GPR180: variants seen among roughly 807,000 people sequenced by gnomAD.
GPR180 encodes the protein integral membrane protein GPR180.
Under a neutral mutation model 52.6 loss-of-function variants are expected in GPR180, and 53 were observed. The observed-to-expected ratio is 1.01, with a 90% confidence interval of 0.81 to 1.27. The LOEUF (loss-of-function observed/expected upper bound fraction) is 1.27. Ranked by LOEUF, GPR180 falls within the 50% of genes most tolerant of loss-of-function variation. The pLI is 0.00. For missense variants in GPR180, 533 were observed against 527.0 expected (o/e 1.01, Z -0.11); for synonymous variants, 200 against 193.1 (o/e 1.04, Z -0.30).
intron 2 of GPR180, 44 bp from the exon 3 acceptor site, chr13:94,612,146 A>C: frequency 6.8e-7 from 1 of 1,471,266 alleles, no homozygotes; most frequent in Non-Finnish European, 9.5e-7. Flanking sequence ...AGTGAAACAC[A>C]TTTGAGAATT....
chr13:94,632,390 A>G lies in GPR180; in HGVS notation c.*5219A>G, dbSNP rs1346609330. 6.6e-6 allele frequency: 1 copy of G among 152,214 alleles called. No homozygotes were observed. The highest frequency in any genetic ancestry group is 1.5e-5 in the Non-Finnish European group (1 of 68,042). The allele number at this position is 152,214 out of a possible 1,614,324, so 9.4% of individuals were successfully genotyped here. A position where few individuals can be genotyped will look rare whatever the true frequency, so the allele number is the denominator to read the frequency against. ...CACATATAAACATATATGAAACACAAATTATAGCATAACATACAGACTTTT... is the reference window on the plus strand; with the variant it reads ...CACATATAAACATATATGAAACACAGATTATAGCATAACATACAGACTTTT... On this transcript the variant is annotated 3_prime_UTR_variant, in exon 9 of 9. Transcript: ENST00000376958.
intron 1 of GPR180, among the ~76,000 whole-genome samples, chr13:94,603,167 T>G (rs1460742350): frequency 6.6e-6 from 1 of 152,106 alleles, no homozygotes; most frequent in African/African-American, 2.4e-5. Flanking sequence ...TGGAATATAT[T>G]TTGGGTGAAT....
rs1043772996 is a variant in GPR180, at chr13:94,608,098, A to G, written c.304+2549A>G. On this transcript the variant is annotated intron_variant, in intron 2 of 8. Coordinates refer to ENST00000376958, the MANE Select transcript of GPR180 (RefSeq NM_180989.6). ...ATACACTTAAAAACCTCATTTTCGTATGAGTCATATTCCTGTATTCCCAGA... is the reference window on the plus strand; with the variant it reads ...ATACACTTAAAAACCTCATTTTCGTGTGAGTCATATTCCTGTATTCCCAGA... Among the ~76,000 whole-genome samples the G allele has an allele frequency of 2.0e-5, 3 of 152,222 alleles. 1 individual carries two copies. The highest frequency in any genetic ancestry group is 2.0e-4 in the Admixed American group (3 of 15,280).
chr13:94,613,527 C>CCT lies in GPR180; in HGVS notation c.505+1139_505+1140dup, dbSNP rs554306629. On this transcript the variant is annotated intron_variant, in intron 3 of 8. Transcript: ENST00000376958. ...TCTCAAACTACTGGGTTCAAGCAAT[C>CCT]CTCCCACCTTGGCCTCCCAAGGTGT... Among the ~76,000 whole-genome samples, 140 of 152,172 alleles carry CCT rather than the reference C, an allele frequency of 9.2e-4. 1 individual carries two copies. The highest frequency in any genetic ancestry group is 1.3e-4 in the Non-Finnish European group (9 of 67,998).
intron 7 of GPR180, among the ~76,000 whole-genome samples, chr13:94,624,097 A>C (rs879364226): frequency 2.0e-5 from 3 of 152,106 alleles, no homozygotes; most frequent in Admixed American, 6.5e-5. Flanking sequence ...GTGTCACTTT[A>C]TTCCTCCTTT....
rs1889950108 is a variant in GPR180 at position 94,628,073 on chromosome 13, A to C, written c.*902A>C. 6.6e-6 allele frequency: 1 copy of C among 152,542 alleles called. No individual in the cohort carries two copies. Among genetic ancestry groups the C allele is most frequent in the African/African-American group, 2.4e-5 (1 of 41,452 alleles). 9.4% of individuals were successfully genotyped at this position (152,542 alleles called of 1,614,324 possible). A position where few individuals can be genotyped will look rare whatever the true frequency, so the allele number is the denominator to read the frequency against. The stretch of plus-strand genomic sequence containing the variant: ...CACATAAATGTTGGTTTCAGTCATC[A>C]ACTACCCATGAATTCCTGCCCAAGG... On this transcript the variant is annotated 3_prime_UTR_variant, in exon 9 of 9. Transcript: ENST00000376958.
At chr13:94,617,325 A>T (rs538845747) in intron 3 of GPR180, among the ~76,000 whole-genome samples, 1 of 152,230 alleles carries the variant, frequency 6.6e-6, no homozygotes, top group Non-Finnish European at 1.5e-5. Flanking sequence ...TTCAAAACAC[A>T]GGATAGCATA....
chr13:94,609,502 T>C lies in GPR180; in HGVS notation c.305-2688T>C, dbSNP rs188839651. 9.2e-5 allele frequency among the ~76,000 whole-genome samples: 14 copies of C among 152,208 alleles called. No homozygotes were observed. In the East Asian group the frequency reaches 2.5e-3, roughly 27 times the overall value. On this transcript the variant is annotated intron_variant, in intron 2 of 8. Transcript: ENST00000376958. ...AATCCACATAATTTAAAATGAAACA[T>C]CAAAAATATATTGGTAAAAGTGTGG... is the stretch of plus-strand genomic sequence containing the variant.
chr13:94,617,659 A>G (rs1889796174), intron 3 of GPR180, among the ~76,000 whole-genome samples: 1 of 152,104 alleles, frequency 6.6e-6, no homozygotes, highest in South Asian at 2.1e-4. Context: ...ATTGATTCTT[A>G]TAATTTGTGT....
rs1364711039 is a variant in GPR180 at position 94,630,537 on chromosome 13, T to G, written c.*3366T>G. On this transcript the variant is annotated 3_prime_UTR_variant, in exon 9 of 9. Coordinates refer to ENST00000376958, the MANE Select transcript of GPR180 (RefSeq NM_180989.6). ...ACCCTCCATGTGCCTCTCATTGCAC[T>G]TAGGAAAAGAAGTCCTCACTCATTA... The G allele has an allele frequency of 1.3e-5, 2 of 152,230 alleles. No homozygotes were observed. Among genetic ancestry groups the G allele is most frequent in the Non-Finnish European group, 2.9e-5 (2 of 68,046 alleles). 9.4% of individuals were successfully genotyped at this position (152,230 alleles called of 1,614,324 possible). A position where few individuals can be genotyped will look rare whatever the true frequency, so the allele number is the denominator to read the frequency against.
chr13:94,616,086 G>T (rs1889774724), intron 3 of GPR180, among the ~76,000 whole-genome samples: 1 of 152,172 alleles, frequency 6.6e-6, no homozygotes, highest in Non-Finnish European at 1.5e-5. Context: ...CAAGTTCAAA[G>T]TTAGCTGTGG....
rs1423400205 is a variant in GPR180 at position 94,629,417 on chromosome 13, G to A, written c.*2246G>A. The A allele has an allele frequency of 1.7e-4, 26 of 152,058 alleles. No individual in the cohort carries two copies. The highest frequency in any genetic ancestry group is 1.7e-3 in the Admixed American group (26 of 15,276). 9.4% of individuals were successfully genotyped at this position (152,058 alleles called of 1,614,324 possible). A position where few individuals can be genotyped will look rare whatever the true frequency, so the allele number is the denominator to read the frequency against. On this transcript the variant is annotated 3_prime_UTR_variant, in exon 9 of 9. Coordinates refer to ENST00000376958, the MANE Select transcript of GPR180 (RefSeq NM_180989.6). ...AATAGATGCTTATTTTTATTGACAT[G>A]TGTATAATAAGATGGGTGCCTACTG...
chr13:94,626,325 C>G (rs904586506), intron 8 of GPR180, among the ~76,000 whole-genome samples: 5 of 151,870 alleles, frequency 3.3e-5, no homozygotes, highest in Admixed American at 3.3e-4. Context: ...TATAATACAT[C>G]TTTTAAAAAA....
chr13:94,602,483 T>G (rs909219765), intron 1 of GPR180, among the ~76,000 whole-genome samples: 1 of 15,912 alleles, frequency 6.3e-5, no homozygotes, highest in Non-Finnish European at 1.5e-4. Context: ...TTAAATTTCC[T>G]TTTTTTTTTT....
rs547058607 is a variant in GPR180 at position 94,609,754 on chromosome 13, T to G, written c.305-2436T>G. ...ATTTTTCCAGAAACTGTATGTGTGT[T>G]TTTTTTTTTTTAAAGGTAGTTTAAA... On this transcript the variant is annotated intron_variant, in intron 2 of 8. Transcript: ENST00000376958. Among the ~76,000 whole-genome samples, 24 of 148,622 alleles carry G rather than the reference T, an allele frequency of 1.6e-4. No homozygotes were observed. The South Asian group carries it at 2.1e-3, about 13-fold the overall frequency.
In GPR180 at chr13:94,627,657, G is replaced by A. The variant is rs1287262750; in HGVS notation, c.*486G>A. The A allele has an allele frequency of 6.6e-6, 1 of 152,452 alleles. No individual in the cohort carries two copies. The highest frequency in any genetic ancestry group is 1.5e-5 in the Non-Finnish European group (1 of 68,268). The allele number at this position is 152,452 out of a possible 1,614,324, so 9.4% of individuals were successfully genotyped here. On this transcript the variant is annotated 3_prime_UTR_variant, in exon 9 of 9. Coordinates refer to ENST00000376958, the MANE Select transcript of GPR180 (RefSeq NM_180989.6). ...AATGTATTTCATATTTGAGTTTAAA[G>A]GAATTGAAATTACTTCAGGAAATGA...
chr13:94,607,038 C>G (rs944415193), intron 2 of GPR180, among the ~76,000 whole-genome samples: 1 of 152,180 alleles, frequency 6.6e-6, no homozygotes, highest in African/African-American at 2.4e-5. Flanking sequence ...ACCATCTTCC[C>G]CATCCAGACC....
intron 2 of GPR180, among the ~76,000 whole-genome samples, chr13:94,610,683 A>C (rs575502054): frequency 6.6e-5 from 10 of 152,326 alleles, no homozygotes; most frequent in African/African-American, 2.4e-4. Flanking sequence ...CAGAAACCGC[A>C]ATTACTTTTG....
At chr13:94,619,421 A>C (rs773813517) in intron 4 of GPR180, 47 bp from the exon 5 acceptor site, 2 of 1,602,494 alleles carry the variant, frequency 1.2e-6, no homozygotes, top group Non-Finnish European at 1.7e-6. Context: ...ATTATAAACA[A>C]TTTTTTTCAC....
Sources: allele counts gnomAD v4.1 joint callset (sites outside exome capture counted in the v4.1 genomes callset), GRCh38; gene constraint gnomAD v4.1.1; transcripts MANE v1.5; gene names NCBI Gene and HGNC (gene_info 2026-07-23, HGNC 2026-07-21).